SMARCAD1: variants seen among roughly 807,000 people sequenced by gnomAD.
SMARCAD1 encodes SWI/SNF-related matrix-associated actin-dependent regulator of chromatin subfamily A containing DEAD/H box 1.
A neutral mutation model predicts 127.1 loss-of-function variants in SMARCAD1; 25 were observed. The ratio of observed to expected loss-of-function variants is 0.20; its 90% CI spans 0.14 to 0.27. The LOEUF (loss-of-function observed/expected upper bound fraction) is 0.27, where lower values mean the gene tolerates loss of function less well. Among genes scored for constraint, SMARCAD1 ranks in the 10% least tolerant of loss-of-function variants. The pLI is 1.00. For missense variants in SMARCAD1, 807 were observed against 1,206.0 expected (o/e 0.67, Z 4.90); for synonymous variants, 400 against 396.9 (o/e 1.01, Z -0.09).
Position 94,252,634 on chromosome 4 carries a change from A to G in SMARCAD1, c.908A>G (p.Gln303Arg). The G allele has an allele frequency of 6.4e-7, 1 of 1,568,846 alleles. No homozygotes were observed. Among genetic ancestry groups the G allele is most frequent in the Non-Finnish European group, 8.6e-7 (1 of 1,161,294 alleles). ...TATACAGATATGCAATATGTATCAC[A>G]AAGTGAGGTTCCAAATGGAAAAGAA... ...AEDQDMQYVSQSEVPNGKEVS... is the reference protein window; with the variant it reads ...AEDQDMQYVSRSEVPNGKEVS... The change falls in exon 9 of 24, where the codon CAA becomes CGA. Residue 303 changes from glutamine to arginine, a missense_variant. Coordinates refer to ENST00000354268, the MANE Select transcript of SMARCAD1 (RefSeq NM_020159.5).
chr4:94,270,577 G>A (rs1752414107), intron 10 of SMARCAD1, 151 bp from the exon 11 acceptor site: 11 of 624,142 alleles, frequency 1.8e-5, no homozygotes, highest in South Asian at 1.6e-4. Context: ...TATGTCTTGG[G>A]TTCATTTTTT....
chr4:94,278,202 A>G (rs1006292400), intron 16 of SMARCAD1, among the ~76,000 whole-genome samples: 4 of 152,230 alleles, frequency 2.6e-5, no homozygotes, highest in African/African-American at 9.6e-5. Context: ...TTCAGTAGAG[A>G]ACATGATTAC....
At chr4:94,242,991 G>A (rs1445736357) in intron 6 of SMARCAD1, among the ~76,000 whole-genome samples, 1 of 151,954 alleles carries the variant, frequency 6.6e-6, no homozygotes, top group Admixed American at 6.6e-5. Flanking sequence ...CTTTCTTTTC[G>A]AGACAGAGTC....
chr4:94,290,111 C>G lies in SMARCAD1; in HGVS notation c.*577C>G, dbSNP rs1755496231. The G allele has an allele frequency of 2.2e-6, 1 of 454,370 alleles. No homozygotes were observed. The highest frequency in any genetic ancestry group is 2.0e-5 in the African/African-American group (1 of 49,994). The allele number at this position is 454,370 out of a possible 1,614,324, so 28.1% of individuals were successfully genotyped here. A position where few individuals can be genotyped will look rare whatever the true frequency, so the allele number is the denominator to read the frequency against. ...GTGGCATTCCATATACTAACATCCC[C>G]CAGGTCCTCTCAAGTACTTCTGCTG... On this transcript the variant is annotated 3_prime_UTR_variant, in exon 24 of 24. Transcript: ENST00000354268.
At chr4:94,247,556 A>AC (rs1344165693) in intron 6 of SMARCAD1, among the ~76,000 whole-genome samples, 1 of 152,192 alleles carries the variant, frequency 6.6e-6, no homozygotes, top group Non-Finnish European at 1.5e-5. Context: ...AAAATTAACC[A>AC]TTTTAGAGTG....
At chr4:94,283,390 C>T in intron 22 of SMARCAD1, 87 bp downstream of exon 22, 1 of 1,404,416 alleles carries the variant, frequency 7.1e-7, no homozygotes, top group Non-Finnish European at 9.9e-7. Flanking sequence ...GATGTCCTGC[C>T]TTAGTTTTTG....
chr4:94,261,356 C>T (rs1750953932), intron 9 of SMARCAD1, among the ~76,000 whole-genome samples: 1 of 152,154 alleles, frequency 6.6e-6, no homozygotes, highest in Non-Finnish European at 1.5e-5. Flanking sequence ...TATGCTTAGG[C>T]ACTAACCTTC....
At chr4:94,236,494 C>A (rs1746675793) in intron 4 of SMARCAD1, among the ~76,000 whole-genome samples, 1 of 151,972 alleles carries the variant, frequency 6.6e-6, no homozygotes, top group African/African-American at 2.4e-5. Flanking sequence ...GCAGAATTGT[C>A]CTTTTTCCCC....
chr4:94,211,225 T>C (rs929373855), intron 2 of SMARCAD1, among the ~76,000 whole-genome samples: 1 of 152,162 alleles, frequency 6.6e-6, no homozygotes, highest in African/African-American at 2.4e-5. Flanking sequence ...TGAGCCGAGA[T>C]TGTGCCATTG....
chr4:94,237,893 G>A (rs796628094), intron 5 of SMARCAD1, among the ~76,000 whole-genome samples: 18 of 152,218 alleles, frequency 1.2e-4, no homozygotes, highest in African/African-American at 4.1e-4. Flanking sequence ...AAACTAGGAT[G>A]TTCAAGCAAA....
At chr4:94,226,392 T>C in intron 3 of SMARCAD1, 96 bp downstream of exon 3, 1 of 926,744 alleles carries the variant, frequency 1.1e-6, no homozygotes, top group South Asian at 1.5e-5. Flanking sequence ...ACTTCCCTTT[T>C]TTTTTTTTTC....
At position 94,252,856 on chromosome 4, in the gene SMARCAD1, G is replaced by C. The variant is rs1245295463; in HGVS notation, c.1130G>C (p.Gly377Ala). 1 of 1,614,092 alleles carries C rather than the reference G, an allele frequency of 6.2e-7. No homozygotes were observed. Among genetic ancestry groups the C allele is most frequent in the South Asian group, 1.1e-5 (1 of 91,078 alleles). The change falls in exon 9 of 24, where the codon GGT becomes GCT. Residue 377 changes from glycine to alanine, a missense_variant. This residue lies in a region of SMARCAD1 where 257 missense variants were observed against 303.4 expected (regional missense o/e 0.85). Coordinates refer to ENST00000354268, the MANE Select transcript of SMARCAD1 (RefSeq NM_020159.5). ...GSSLDEDYSS[G>A]EEVMEDGYKG... ...TCACTAGATGAGGACTATAGTAGTG[G>C]TGAAGAAGTGATGGAGGATGGCTAT... is the stretch of plus-strand genomic sequence containing the variant.
rs1750325856 is a variant in SMARCAD1 at position 94,257,738 on chromosome 4, A to G, written c.1281+4731A>G. Among the ~76,000 whole-genome samples the G allele has an allele frequency of 3.3e-5, 5 of 152,116 alleles. No individual in the cohort carries two copies. The South Asian group carries it at 1.0e-3, about 31-fold the overall frequency. On this transcript the variant is annotated intron_variant, in intron 9 of 23. Coordinates refer to ENST00000354268, the MANE Select transcript of SMARCAD1 (RefSeq NM_020159.5). ...CCCCAGCCTGTTGCCCATGCTGCAG[A>G]TAACTTCTTTCATGACTTTTTGTCT...
At chr4:94,275,006 GC>G in intron 14 of SMARCAD1, 41 bp downstream of exon 14, 1 of 1,377,062 alleles carries the variant, frequency 7.3e-7, no homozygotes, top group Non-Finnish European at 1.0e-6. Context: ...TATTTATGCA[GC>G]CCCCAAATTT....
At chr4:94,221,988 T>A (rs1744218309) in intron 2 of SMARCAD1, among the ~76,000 whole-genome samples, 1 of 151,956 alleles carries the variant, frequency 6.6e-6, no homozygotes, top group Non-Finnish European at 1.5e-5. Context: ...ATATGGGGGG[T>A]GTAAAACTGG....
intron 2 of SMARCAD1, among the ~76,000 whole-genome samples, chr4:94,209,387 T>G (rs1418748748): frequency 6.6e-6 from 1 of 152,160 alleles, no homozygotes; most frequent in Non-Finnish European, 1.5e-5. Context: ...TGAACTCAAG[T>G]CCTGGCAGTA....
chr4:94,284,326 CAAAAAAAAA>C (rs1161926658), intron 22 of SMARCAD1, among the ~76,000 whole-genome samples: 5 of 25,922 alleles, frequency 1.9e-4, no homozygotes, highest in African/African-American at 4.4e-4. Context: ...GACTCCGTCT[CAAAAAAAAA>C]AAAAAAAAAA....
At chr4:94,262,814 T>G (rs1239100905) in intron 9 of SMARCAD1, among the ~76,000 whole-genome samples, 1 of 151,648 alleles carries the variant, frequency 6.6e-6, no homozygotes, top group Non-Finnish European at 1.5e-5. Context: ...TACTTGTGTT[T>G]CCCAATGTTC....
Position 94,275,045 on chromosome 4 carries a change from A to G in SMARCAD1, c.1808+80A>G, listed in dbSNP as rs1753065472. On this transcript the variant is annotated intron_variant, in intron 14 of 23. Transcript: ENST00000354268. ...AAAAGAAATTGTAGTAGTACTATGT[A>G]GGAAAGTTTATGCTGTTAACTGTGA... The G allele has an allele frequency of 1.0e-5, 10 of 979,542 alleles. No individual in the cohort carries two copies. The South Asian group carries it at 1.0e-4, about 10-fold the overall frequency. 60.7% of individuals were successfully genotyped at this position (979,542 alleles called of 1,614,324 possible). A position where few individuals can be genotyped will look rare whatever the true frequency, so the allele number is the denominator to read the frequency against.
Sources: allele counts gnomAD v4.1 joint callset (sites outside exome capture counted in the v4.1 genomes callset), GRCh38; gene constraint gnomAD v4.1.1; regional missense constraint gnomAD v4.1.1; transcripts MANE v1.5; gene names NCBI Gene and HGNC (gene_info 2026-07-23, HGNC 2026-07-21).